Variants in SH3RF2 observed in about 807,000 individuals in gnomAD.
SH3RF2 encodes SH3 domain containing ring finger 2.
Under a neutral mutation model 59.0 loss-of-function variants are expected in SH3RF2, and 43 were observed. The ratio of observed to expected loss-of-function variants is 0.73; its 90% CI spans 0.57 to 0.94. SH3RF2 has a LOEUF of 0.94. Ranked by LOEUF, SH3RF2 falls within the 40% of genes least tolerant of loss-of-function variation. SH3RF2 has a pLI of 0.00. For synonymous variants in SH3RF2, 391 were observed against 391.5 expected (o/e 1.00, Z 0.01); for missense variants, 930 against 940.1 (o/e 0.99, Z 0.14).
At chr5:146,070,317 T>G (rs1178279072) in intron 9 of SH3RF2, among the ~76,000 whole-genome samples, 1 of 152,118 alleles carries the variant, frequency 6.6e-6, no homozygotes, top group Non-Finnish European at 1.5e-5. Context: ...GGGCTGGAGA[T>G]GGAGGAGGGT....
At chr5:145,963,973 C>G (rs1473347224) in intron 2 of SH3RF2, among the ~76,000 whole-genome samples, 2 of 151,960 alleles carry the variant, frequency 1.3e-5, no homozygotes, top group African/African-American at 2.4e-5. Flanking sequence ...GTTGGGACTA[C>G]AGGCGCCCGC....
intron 9 of SH3RF2, among the ~76,000 whole-genome samples, chr5:146,071,256 C>T (rs75529067): frequency 0.02 from 3,060 of 152,310 alleles, 97 homozygotes; most frequent in African/African-American, 0.07. Flanking sequence ...TTCCTGCAAG[C>T]CCCACCACCA....
chr5:146,074,792 C>G (rs554959590), intron 9 of SH3RF2, among the ~76,000 whole-genome samples: 1 of 151,964 alleles, frequency 6.6e-6, no homozygotes, highest in Non-Finnish European at 1.5e-5. Flanking sequence ...CTCTCTCTCT[C>G]TCTCTGTTTC....
chr5:146,081,537 G>A (rs1026338013), exon 10 of SH3RF2: 3 of 152,144 alleles, frequency 2.0e-5, no homozygotes, highest in Non-Finnish European at 4.4e-5. Flanking sequence ...AAGCAAAAGG[G>A]GAAAGGGGGC....
At chr5:146,049,598 A>T (rs574373510) in intron 7 of SH3RF2, among the ~76,000 whole-genome samples, 4 of 152,136 alleles carry the variant, frequency 2.6e-5, no homozygotes, top group African/African-American at 9.6e-5. Flanking sequence ...ACCCCACTTC[A>T]CATCCTCTAT....
At chr5:145,994,449 A>G (rs1004232737) in intron 2 of SH3RF2, among the ~76,000 whole-genome samples, 1 of 152,196 alleles carries the variant, frequency 6.6e-6, no homozygotes, top group Non-Finnish European at 1.5e-5. Flanking sequence ...GACATGCCTG[A>G]GCCTGGGAAG....
intron 9 of SH3RF2, among the ~76,000 whole-genome samples, chr5:146,071,761 G>GA (rs1269509534): frequency 1.7e-4 from 26 of 152,296 alleles, no homozygotes; most frequent in African/African-American, 6.0e-4. Flanking sequence ...AAGAAACTTG[G>GA]AAAAGTGACA....
intron 2 of SH3RF2, among the ~76,000 whole-genome samples, chr5:145,965,539 T>G (rs1231634195): frequency 6.6e-6 from 1 of 152,172 alleles, no homozygotes; most frequent in African/African-American, 2.4e-5. Flanking sequence ...TGAAGTTCAG[T>G]TATATTCATT....
chr5:146,055,873 G>A (rs1762646038), intron 7 of SH3RF2, 108 bp from the exon 8 acceptor site: 1 of 1,233,734 alleles, frequency 8.1e-7, no homozygotes, highest in Non-Finnish European at 1.1e-6. Flanking sequence ...GTGAGAAGTA[G>A]CCACATTTGG....
At chr5:146,033,451 CTTTTTTTTTTTTTT>C (rs558717056) in intron 5 of SH3RF2, among the ~76,000 whole-genome samples, 32 of 71,862 alleles carry the variant, frequency 4.5e-4, no homozygotes, top group Non-Finnish European at 5.3e-4. Context: ...TAGCCCTTAG[CTTTTTTTTTTTTTT>C]TTTTTTTTTT....
chr5:146,066,662 G>T (rs868115091), downstream of SH3RF2, among the ~76,000 whole-genome samples: 1 of 152,058 alleles, frequency 6.6e-6, no homozygotes, highest in African/African-American at 2.4e-5. Flanking sequence ...ACAAAGTGGT[G>T]GGAAAAAGGG....
intron 5 of SH3RF2, among the ~76,000 whole-genome samples, chr5:146,035,483 T>G (rs1391246555): frequency 6.6e-6 from 1 of 151,786 alleles, no homozygotes. Flanking sequence ...GATGAAGGAA[T>G]TTAGGGCCAG....
At chr5:146,080,250 T>G (rs1341323180) in exon 10 of SH3RF2, 3 of 152,066 alleles carry the variant, frequency 2.0e-5, no homozygotes, top group Non-Finnish European at 4.4e-5. Flanking sequence ...TTCTTATTAT[T>G]ACACTTTGGG....
At chr5:145,967,290 C>G (rs1273312092) in intron 2 of SH3RF2, among the ~76,000 whole-genome samples, 1 of 152,066 alleles carries the variant, frequency 6.6e-6, no homozygotes, top group Non-Finnish European at 1.5e-5. Flanking sequence ...TCTAATTGGC[C>G]CATTTATGAA....
chr5:146,060,376 C>A (rs772497875), intron 9 of SH3RF2, 152 bp downstream of exon 9: 3 of 659,712 alleles, frequency 4.5e-6, no homozygotes, highest in Non-Finnish European at 7.3e-6. Context: ...CCCAACTCCC[C>A]ACTGAGCCAT....
At chr5:145,949,163 T>C (rs1348889085) in intron 2 of SH3RF2, among the ~76,000 whole-genome samples, 1 of 152,024 alleles carries the variant, frequency 6.6e-6, no homozygotes, top group Non-Finnish European at 1.5e-5. Context: ...GAATGACACG[T>C]AGGTGCTTGC....
intron 2 of SH3RF2, among the ~76,000 whole-genome samples, chr5:145,966,791 G>A (rs190346610): frequency 6.6e-6 from 1 of 152,336 alleles, no homozygotes; most frequent in Admixed American, 6.5e-5. Context: ...GGAGGCCAAA[G>A]CAGGTGGATC....
At chr5:146,005,587 G>A (rs774792173) in intron 4 of SH3RF2, among the ~76,000 whole-genome samples, 1 of 152,178 alleles carries the variant, frequency 6.6e-6, no homozygotes, top group African/African-American at 2.4e-5. Context: ...GTCCAGAGAG[G>A]CTGATCTTCT....
At chr5:145,967,800 C>T (rs973609796) in intron 2 of SH3RF2, among the ~76,000 whole-genome samples, 3 of 152,126 alleles carry the variant, frequency 2.0e-5, no homozygotes, top group African/African-American at 4.8e-5. Context: ...GCTGGGACCA[C>T]AGGCATGCAG....
Sources: allele counts gnomAD v4.1 joint callset (sites outside exome capture counted in the v4.1 genomes callset), GRCh38; gene constraint gnomAD v4.1.1; transcripts MANE v1.5; gene names NCBI Gene and HGNC (gene_info 2026-07-23, HGNC 2026-07-21).